Variants in CIROP observed in about 807,000 individuals in gnomAD.
The protein encoded by CIROP is leishmanolysin homolog.
At chr14:23,103,807 G>A in the CIROP span, 13 of 702,406 alleles carry the variant, frequency 1.9e-5, no homozygotes, top group Non-Finnish European at 2.9e-5. Flanking sequence ...CGCGAAGATG[G>A]GTGTCAGGAA....
the CIROP span, chr14:23,104,397 G>C: frequency 1.4e-6 from 1 of 702,834 alleles, no homozygotes; most frequent in African/African-American, 1.7e-5. Flanking sequence ...GTGGTAGTTT[G>C]GGCTATCTGG....
chr14:23,102,573 A>T, the CIROP span: 1 of 701,930 alleles, frequency 1.4e-6, no homozygotes, highest in South Asian at 1.5e-5. Context: ...GTTATGAGAT[A>T]GTGAATTTCC....
the CIROP span, chr14:23,104,896 G>T: frequency 1.6e-6 from 1 of 608,174 alleles, no homozygotes. Context: ...GGCAGCAGCA[G>T]CAGCAGCAGC....
the CIROP span, chr14:23,103,870 T>G: frequency 8.8e-6 from 6 of 684,840 alleles, no homozygotes; most frequent in African/African-American, 7.1e-5. Context: ...CAGTAGGAAA[T>G]TGGGTATGAG....
chr14:23,102,603 T>A, the CIROP span: 2 of 702,894 alleles, frequency 2.8e-6, no homozygotes. Context: ...TGGTGGAAAG[T>A]CCTTAACCTC....
the CIROP span, chr14:23,101,970 AG>A: frequency 1.4e-6 from 1 of 701,340 alleles, no homozygotes; most frequent in Non-Finnish European, 2.6e-6. Flanking sequence ...AACATCCTTC[AG>A]CACCAGCTAT....
the CIROP span, chr14:23,099,261 C>G: frequency 7.3e-6 from 3 of 413,448 alleles, no homozygotes. Flanking sequence ...TTCCTTACCC[C>G]CTGTCATGTT....
chr14:23,103,537 G>A, the CIROP span: 3 of 604,640 alleles, frequency 5.0e-6, no homozygotes, highest in Non-Finnish European at 8.9e-6. Context: ...CTGGGCAACA[G>A]AGTGAGACTG....
the CIROP span, chr14:23,101,174 C>T: frequency 1.2e-5 from 5 of 410,310 alleles, no homozygotes; most frequent in African/African-American, 2.1e-5. Context: ...GTCATGGACT[C>T]AGTGGGTACT....
chr14:23,099,409 A>G, the CIROP span: 3 of 413,512 alleles, frequency 7.3e-6, no homozygotes, highest in East Asian at 7.1e-5. Context: ...TACACCCACC[A>G]GGATTAGCAG....
chr14:23,102,071 C>T, the CIROP span: 1 of 702,552 alleles, frequency 1.4e-6, no homozygotes, highest in South Asian at 1.5e-5. Context: ...TGCCTCTCTG[C>T]AGGTCTCCCT....
At chr14:23,103,644 G>C in the CIROP span, 1 of 696,530 alleles carries the variant, frequency 1.4e-6, no homozygotes, top group Admixed American at 2.0e-5. Context: ...GAGAGAGACA[G>C]CAGGGAAAGG....
chr14:23,104,250 C>T, the CIROP span: 6 of 663,448 alleles, frequency 9.0e-6, no homozygotes, highest in African/African-American at 1.1e-4. Context: ...CACCTTTGCC[C>T]CCAGGCAACT....
chr14:23,102,162 G>A, the CIROP span: 30,507 of 702,942 alleles, frequency 0.043, 893 homozygotes, highest in East Asian at 0.12. Flanking sequence ...TGAAGGCAGC[G>A]AGGGTGATTG....
At chr14:23,101,649 C>T in the CIROP span, 2 of 702,892 alleles carry the variant, frequency 2.8e-6, no homozygotes, top group African/African-American at 1.7e-5. Context: ...GTTTCATTGT[C>T]TGCTCTCTTA....
At chr14:23,101,653 T>C in the CIROP span, 1 of 702,990 alleles carries the variant, frequency 1.4e-6, no homozygotes, top group Non-Finnish European at 2.6e-6. Context: ...CATTGTCTGC[T>C]CTCTTATCTA....
chr14:23,101,833 C>T, the CIROP span: 1 of 702,868 alleles, frequency 1.4e-6, no homozygotes, highest in Non-Finnish European at 2.6e-6. Context: ...AACCACTCAG[C>T]ACACACACCT....
chr14:23,104,400 C>T, the CIROP span: 1 of 703,006 alleles, frequency 1.4e-6, no homozygotes. Flanking sequence ...GTAGTTTGGG[C>T]TATCTGGGTC....
At chr14:23,101,279 T>G in the CIROP span, 1 of 474,342 alleles carries the variant, frequency 2.1e-6, no homozygotes, top group Non-Finnish European at 3.7e-6. Flanking sequence ...ACTACTACTC[T>G]TATGGTACCC....
Sources: allele counts gnomAD v4.1 joint callset, GRCh38; gene constraint gnomAD v4.1.1; transcripts MANE v1.5; gene names NCBI Gene and HGNC (gene_info 2026-07-23, HGNC 2026-07-21).